ANO3: variants seen among roughly 807,000 people sequenced by gnomAD.
The protein encoded by ANO3 is anoctamin-3.
A neutral mutation model predicts 144.8 loss-of-function variants in ANO3; 99 were observed. That is an observed-to-expected ratio of 0.68 (90% confidence interval 0.58 to 0.81). ANO3 has a LOEUF of 0.81. Among genes scored for constraint, ANO3 ranks in the 30% least tolerant of loss-of-function variants. The pLI, the probability that ANO3 is intolerant of heterozygous loss-of-function variation, is 0.00. For synonymous variants in ANO3, 414 were observed against 392.6 expected (o/e 1.05, Z -0.64); for missense variants, 905 against 1,202.2 (o/e 0.75, Z 3.66).
chr11:26,657,234 T>C (rs1043891335), intron 26 of ANO3, among the ~76,000 whole-genome samples: 2 of 152,136 alleles, frequency 1.3e-5, no homozygotes, highest in East Asian at 3.9e-4. Context: ...GTAATACACC[T>C]CTCAACTGAT....
chr11:26,475,956 A>C (rs1320678521), intron 4 of ANO3, among the ~76,000 whole-genome samples: 2 of 152,076 alleles, frequency 1.3e-5, no homozygotes, highest in Non-Finnish European at 2.9e-5. Flanking sequence ...TGGTTAAAAA[A>C]ATAGATAACT....
chr11:26,573,819 T>G (rs1850917944), intron 14 of ANO3, among the ~76,000 whole-genome samples: 1 of 152,166 alleles, frequency 6.6e-6, no homozygotes, highest in African/African-American at 2.4e-5. Context: ...CTCACTGTCT[T>G]GAGCACATCT....
At chr11:26,623,407 T>C (rs776972260) in intron 17 of ANO3, among the ~76,000 whole-genome samples, 1 of 152,236 alleles carries the variant, frequency 6.6e-6, no homozygotes, top group Non-Finnish European at 1.5e-5. Flanking sequence ...TGCACATACA[T>C]ATACCCACAA....
In ANO3 at chr11:26,513,386, G is replaced by C. The variant is rs546791917; in HGVS notation, c.592-3441G>C. On this transcript the variant is annotated intron_variant, in intron 5 of 26. Coordinates refer to ENST00000256737, the MANE Select transcript of ANO3 (RefSeq NM_031418.4). ...AAGTACTGCAGGAGTCCCAACCAAAGATGACGATGATGTAAACCAGAGTGA... is the reference window on the plus strand; with the variant it reads ...AAGTACTGCAGGAGTCCCAACCAAACATGACGATGATGTAAACCAGAGTGA... 2.6e-5 allele frequency among the ~76,000 whole-genome samples: 4 copies of C among 152,280 alleles called. 1 individual carries two copies. The South Asian group carries it at 8.3e-4, about 32-fold the overall frequency.
At position 26,259,415 on chromosome 11, in the gene ANO3, C is replaced by T. The variant is rs1006512279; in HGVS notation, c.155-50230C>T. On this transcript the variant is annotated intron_variant, in intron 1 of 27. Transcript: ENST00000672621. ...CTATAATTCCACCTCTTTGGGAGGC[C>T]GAGGCAGGCGGATCATGAGGTCAAG... 3.9e-5 allele frequency among the ~76,000 whole-genome samples: 6 copies of T among 152,040 alleles called. No homozygotes were observed. In the South Asian group the frequency reaches 1.0e-3, roughly 26 times the overall value.
chr11:26,447,901 C>T (rs1453846375), intron 3 of ANO3, among the ~76,000 whole-genome samples: 2 of 152,124 alleles, frequency 1.3e-5, no homozygotes, highest in Non-Finnish European at 2.9e-5. Flanking sequence ...TTTTTCTTCT[C>T]AGTATGCTGG....
intron 1 of ANO3, among the ~76,000 whole-genome samples, chr11:26,259,963 C>T (rs1450906464): frequency 6.6e-6 from 1 of 152,054 alleles, no homozygotes; most frequent in East Asian, 1.9e-4. Flanking sequence ...AGTAAAAGGA[C>T]CTCACCCTAA....
chr11:26,549,230 G>A (rs1196948091), intron 12 of ANO3, among the ~76,000 whole-genome samples: 7 of 151,902 alleles, frequency 4.6e-5, no homozygotes, highest in Non-Finnish European at 1.0e-4. Context: ...GTTCTAAAAG[G>A]CATTAGTAAA....
intron 1 of ANO3, among the ~76,000 whole-genome samples, chr11:26,422,674 T>C (rs1272617833): frequency 6.6e-6 from 1 of 151,996 alleles, no homozygotes; most frequent in African/African-American, 2.4e-5. Context: ...AGATGGGTTG[T>C]AATCTGATAC....
At position 26,407,045 on chromosome 11, in the gene ANO3, T is replaced by TGG. The variant is rs1224241962; in HGVS notation, c.47-34871_47-34870dup. 7.2e-4 allele frequency among the ~76,000 whole-genome samples: 35 copies of TGG among 48,782 alleles called. No individual in the cohort carries two copies. In the South Asian group the frequency reaches 0.017, roughly 24 times the overall value. 32.0% of individuals were successfully genotyped at this position (48,782 alleles called of 152,430 possible). A position where few individuals can be genotyped will look rare whatever the true frequency, so the allele number is the denominator to read the frequency against. On this transcript the variant is annotated intron_variant, in intron 1 of 26. Transcript: ENST00000256737. ...ATATAGGTGTGTGTGTATATATATA[T>TGG]GGGTGTGTGTGTGTGTGTGTGTGTG...
chr11:26,369,666 A>T (rs1856194391), intron 1 of ANO3, among the ~76,000 whole-genome samples: 1 of 152,088 alleles, frequency 6.6e-6, no homozygotes, highest in South Asian at 2.1e-4. Context: ...CAAATTAAAT[A>T]CTCAACCTAA....
At chr11:26,193,433 C>A (rs1324340277) in intron 1 of ANO3, among the ~76,000 whole-genome samples, 14 of 152,178 alleles carry the variant, frequency 9.2e-5, no homozygotes, top group Non-Finnish European at 1.6e-4. Flanking sequence ...AGCCACCACA[C>A]CTGGCCCAAT....
chr11:26,204,908 A>G (rs1851767543), intron 1 of ANO3, among the ~76,000 whole-genome samples: 1 of 152,136 alleles, frequency 6.6e-6, no homozygotes, highest in Non-Finnish European at 1.5e-5. Flanking sequence ...ACTGCTATGG[A>G]GAAATACTCG....
rs533391101 is a variant in ANO3 at position 26,261,277 on chromosome 11, A to G, written c.155-48368A>G. 2.6e-5 allele frequency among the ~76,000 whole-genome samples: 4 copies of G among 152,214 alleles called. No individual in the cohort carries two copies. The East Asian group carries it at 7.7e-4, about 29-fold the overall frequency. ...TTCAATCTACACACTTATTTATTAC[A>G]CAGATATTTAGAGAACAGCCTTGCT... On this transcript the variant is annotated intron_variant, in intron 1 of 27. Transcript: ENST00000672621.
intron 1 of ANO3, among the ~76,000 whole-genome samples, chr11:26,299,950 A>G (rs1188538032): frequency 6.6e-6 from 1 of 152,136 alleles, no homozygotes; most frequent in Non-Finnish European, 1.5e-5. Flanking sequence ...AGAGTGAGAT[A>G]TAGGGAGGAG....
At chr11:26,242,534 T>C (rs1852684735) in intron 1 of ANO3, among the ~76,000 whole-genome samples, 1 of 152,212 alleles carries the variant, frequency 6.6e-6, no homozygotes, top group Non-Finnish European at 1.5e-5. Flanking sequence ...TATTCCACCA[T>C]ATAGTTTGTG....
chr11:26,363,790 A>T (rs1052390949), intron 1 of ANO3, among the ~76,000 whole-genome samples: 3 of 151,748 alleles, frequency 2.0e-5, no homozygotes, highest in African/African-American at 7.3e-5. Context: ...GCTGTTAGTG[A>T]TAACTGCAGA....
intron 1 of ANO3, among the ~76,000 whole-genome samples, chr11:26,202,222 TTTA>T (rs1357476607): frequency 6.9e-6 from 1 of 145,738 alleles, no homozygotes; most frequent in Non-Finnish European, 1.5e-5. Context: ...TGTCATTCCT[TTTA>T]TATTTATATA....
At chr11:26,243,770 G>T (rs1475886149) in intron 1 of ANO3, among the ~76,000 whole-genome samples, 2 of 148,590 alleles carry the variant, frequency 1.3e-5, no homozygotes, top group East Asian at 3.9e-4. Flanking sequence ...TCAAATATCT[G>T]GCCACATTCC....
Sources: gnomAD v4.1 joint callset for allele counts (sites outside exome capture counted in the v4.1 genomes callset) on GRCh38, gnomAD v4.1.1 for gene constraint, MANE v1.5 for transcripts, NCBI Gene and HGNC (gene_info 2026-07-23, HGNC 2026-07-21) for gene names.